The following FRS2 variants were observed in gnomAD, a reference collection of about 807,000 sequenced individuals.
The protein encoded by FRS2 is fibroblast growth factor receptor substrate 2, also known as FGFR signalling adaptor.
In FRS2, 8 loss-of-function variants were observed where a neutral mutation model predicts 43.9. The observed-to-expected ratio is 0.18, with a 90% confidence interval of 0.11 to 0.33. The LOEUF (loss-of-function observed/expected upper bound fraction) is 0.33, where lower values mean the gene tolerates loss of function less well. Ranked by LOEUF, FRS2 falls within the 10% of genes least tolerant of loss-of-function variation. FRS2 has a pLI of 1.00. For missense variants in FRS2, 534 were observed against 627.6 expected (o/e 0.85, Z 1.59); for synonymous variants, 219 against 220.3 (o/e 0.99, Z 0.05).
At chr12:69,562,325 T>A in intron 4 of FRS2, 51 bp downstream of exon 4, 2 of 397,882 alleles carry the variant, frequency 5.0e-6, no homozygotes. Context: ...CATTTACAAT[T>A]ATTTTTTATT....
At chr12:69,557,594 T>TTTTGTGTGTGTGTG (rs58679577) in intron 3 of FRS2, among the ~76,000 whole-genome samples, 1 of 137,024 alleles carries the variant, frequency 7.3e-6, no homozygotes, top group African/African-American at 2.7e-5. Context: ...TGAAGGTTGA[T>TTTTGTGTGTGTGTG]TGTGTGTGTG....
chr12:69,563,098 G>A (rs1402385822), intron 4 of FRS2, among the ~76,000 whole-genome samples: 3 of 152,150 alleles, frequency 2.0e-5, no homozygotes, highest in South Asian at 2.1e-4. Flanking sequence ...CTGGAGGAGT[G>A]TATGCAAATG....
intron 1 of FRS2, among the ~76,000 whole-genome samples, chr12:69,498,635 A>T (rs576226701): frequency 2.6e-5 from 4 of 151,448 alleles, no homozygotes; most frequent in Non-Finnish European, 5.9e-5. Context: ...AATTCTTCCA[A>T]TGTGGCCCAG....
intron 3 of FRS2, among the ~76,000 whole-genome samples, chr12:69,557,594 T>TTGTGTGTGTGTGTGTGTGTGTGTGTGTG (rs376896422): frequency 1.5e-5 from 2 of 137,026 alleles, no homozygotes; most frequent in African/African-American, 2.7e-5. Context: ...TGAAGGTTGA[T>TTGTGTGTGTGTGTGTGTGTGTGTGTGTG]TGTGTGTGTG....
rs1007961059 is a variant in FRS2, at chr12:69,551,449, C to T, written c.-121-10731C>T. ...CTCAAGTGTAGTTATGAATGTGGCT[C>T]TTCAGAATTACCTTCACCATGGAAG... On this transcript the variant is annotated intron_variant, in intron 3 of 8. Transcript: ENST00000549921. 3.9e-5 allele frequency among the ~76,000 whole-genome samples: 6 copies of T among 152,270 alleles called. No individual in the cohort carries two copies. In the East Asian group the frequency reaches 1.2e-3, roughly 29 times the overall value.
chr12:69,574,554 A>T lies in FRS2; in HGVS notation c.1126A>T (p.Thr376Ser). Reference protein sequence around the residue: ...RDEDDNLGPKTPSLNGYHNNL... With the variant: ...RDEDDNLGPKSPSLNGYHNNL... ...TGAAGATGACAATTTAGGACCAAAGACCCCATCTCTAAATGGCTACCATAA... is the reference window on the plus strand; with the variant it reads ...TGAAGATGACAATTTAGGACCAAAGTCCCCATCTCTAAATGGCTACCATAA... Residue 376 changes from threonine (T) to serine (S), a missense_variant, in exon 9 of 9, where the codon ACC (threonine) becomes TCC (serine). Around this residue, in one of 3 missense-constraint regions of FRS2, gnomAD observed 446 missense variants for 494.2 expected, o/e 0.90. Transcript: ENST00000549921. The T allele has an allele frequency of 6.2e-7, 1 of 1,614,046 alleles. No homozygotes were observed. The highest frequency in any genetic ancestry group is 8.5e-7 in the Non-Finnish European group (1 of 1,179,984).
chr12:69,501,797 TG>T, intron 1 of FRS2, among the ~76,000 whole-genome samples: 1 of 152,308 alleles, frequency 6.6e-6, no homozygotes, highest in East Asian at 1.9e-4. Flanking sequence ...CTTAATCAGT[TG>T]ATGTTGGGAT....
At position 69,509,775 on chromosome 12, in the gene FRS2, C is replaced by A. The variant is rs115226655; in HGVS notation, c.-260-21090C>A. Among the ~76,000 whole-genome samples the A allele has an allele frequency of 9.3e-3, 1,422 of 152,206 alleles. 23 individuals are homozygous for A. Among genetic ancestry groups the A allele is most frequent in the African/African-American group, 0.032 (1,312 of 41,516 alleles). On this transcript the variant is annotated intron_variant, in intron 1 of 8. Coordinates refer to ENST00000549921, the MANE Select transcript of FRS2 (RefSeq NM_001278356.2). ...GACTCTCATTTGCTGTTGTGTCTTT[C>A]CCAATTCTCCTCATCCTTATGGGCT... is the stretch of plus-strand genomic sequence containing the variant.
At position 69,578,953 on chromosome 12, in the gene FRS2, C is replaced by G. The variant is rs994487463; in HGVS notation, c.*3998C>G. ...ATAAAAAGACATAAGTGATACTGTACTATGCATACATTGTATCTTAATGCT... is the reference window on the plus strand; with the variant it reads ...ATAAAAAGACATAAGTGATACTGTAGTATGCATACATTGTATCTTAATGCT... On this transcript the variant is annotated 3_prime_UTR_variant, in exon 9 of 9. Coordinates refer to ENST00000549921, the MANE Select transcript of FRS2 (RefSeq NM_001278356.2). The G allele has an allele frequency of 6.6e-6, 1 of 152,572 alleles. No homozygotes were observed. The highest frequency in any genetic ancestry group is 2.4e-5 in the African/African-American group (1 of 41,428). The allele number at this position is 152,572 out of a possible 1,614,324, so 9.5% of individuals were successfully genotyped here. A position where few individuals can be genotyped will look rare whatever the true frequency, so the allele number is the denominator to read the frequency against.
Position 69,576,912 on chromosome 12 carries a change from G to C in FRS2, c.*1957G>C, listed in dbSNP as rs1181749884. 6.6e-6 allele frequency: 1 copy of C among 152,506 alleles called. No individual in the cohort carries two copies. The highest frequency in any genetic ancestry group is 6.6e-5 in the Admixed American group (1 of 15,260). The allele number at this position is 152,506 out of a possible 1,614,324, so 9.4% of individuals were successfully genotyped here. On this transcript the variant is annotated 3_prime_UTR_variant, in exon 9 of 9. Coordinates refer to ENST00000549921, the MANE Select transcript of FRS2 (RefSeq NM_001278356.2). ...ATGCAGGTTCCATTTTTAATATATT[G>C]TTCCACTTATCCTTTCTTCTGAGTA...
chr12:69,513,983 TCC>T (rs1874727471), intron 1 of FRS2, among the ~76,000 whole-genome samples: 1 of 152,310 alleles, frequency 6.6e-6, no homozygotes, highest in African/African-American at 2.4e-5. Flanking sequence ...TTCGAAGTCT[TCC>T]CAGGATAAAT....
At chr12:69,556,651 A>G (rs1011536755) in intron 3 of FRS2, among the ~76,000 whole-genome samples, 26 of 152,186 alleles carry the variant, frequency 1.7e-4, no homozygotes, top group Admixed American at 1.6e-3. Flanking sequence ...TCCAACATTA[A>G]TGTTTATTTA....
At chr12:69,485,215 C>T (rs948231842) in intron 1 of FRS2, among the ~76,000 whole-genome samples, 1 of 152,010 alleles carries the variant, frequency 6.6e-6, no homozygotes, top group African/African-American at 2.4e-5. Context: ...CGGAGTCTCG[C>T]TCTGTCCCCC....
At chr12:69,517,454 T>TCA (rs1875172411) in intron 1 of FRS2, among the ~76,000 whole-genome samples, 1 of 152,088 alleles carries the variant, frequency 6.6e-6, no homozygotes, top group South Asian at 2.1e-4. Context: ...TAAGGGATAC[T>TCA]CAACCTGTAC....
chr12:69,548,875 C>A (rs1383609371), intron 3 of FRS2, among the ~76,000 whole-genome samples: 2 of 152,168 alleles, frequency 1.3e-5, no homozygotes, highest in African/African-American at 2.4e-5. Context: ...TTACTAGAAC[C>A]TCAGTAAGGA....
At chr12:69,524,990 G>A (rs1180160930) in intron 1 of FRS2, among the ~76,000 whole-genome samples, 2 of 152,022 alleles carry the variant, frequency 1.3e-5, no homozygotes, top group African/African-American at 2.4e-5. Flanking sequence ...CTTCAGCTAT[G>A]CCCTGTATCT....
At chr12:69,536,888 G>A (rs983644941) in intron 3 of FRS2, among the ~76,000 whole-genome samples, 1 of 151,940 alleles carries the variant, frequency 6.6e-6, no homozygotes, top group Non-Finnish European at 1.5e-5. Context: ...GTGTATTTCT[G>A]TCCCCTTCTG....
intron 3 of FRS2, among the ~76,000 whole-genome samples, chr12:69,550,825 T>C: frequency 6.6e-6 from 1 of 152,224 alleles, no homozygotes; most frequent in Non-Finnish European, 1.5e-5. Context: ...GAGTATTTTA[T>C]GTACATAATT....
At chr12:69,513,498 TG>T (rs1055716121) in intron 1 of FRS2, among the ~76,000 whole-genome samples, 2 of 152,162 alleles carry the variant, frequency 1.3e-5, no homozygotes, top group Non-Finnish European at 2.9e-5. Context: ...TTCTGAACAC[TG>T]GAAAAAGCAT....
Sources: allele counts gnomAD v4.1 joint callset (sites outside exome capture counted in the v4.1 genomes callset), GRCh38; gene constraint gnomAD v4.1.1; regional missense constraint gnomAD v4.1.1; transcripts MANE v1.5; gene names NCBI Gene and HGNC (gene_info 2026-07-23, HGNC 2026-07-21).